The following TDRD3 variants were observed in gnomAD, a reference collection of about 807,000 sequenced individuals.
TDRD3 encodes tudor domain-containing protein 3.
Under a neutral mutation model 86.7 loss-of-function variants are expected in TDRD3, and 45 were observed. The observed-to-expected ratio is 0.52, with a 90% CI of 0.41 to 0.67. TDRD3 has a LOEUF of 0.67. Among genes scored for constraint, TDRD3 ranks in the 30% least tolerant of loss-of-function variants. The pLI is 0.00. For synonymous variants in TDRD3, 298 were observed against 301.7 expected (o/e 0.99, Z 0.13); for missense variants, 814 against 889.0 (o/e 0.92, Z 1.07).
At chr13:60,398,072 C>T (rs997332995) in intron 1 of TDRD3, among the ~76,000 whole-genome samples, 1 of 152,192 alleles carries the variant, frequency 6.6e-6, no homozygotes, top group East Asian at 1.9e-4. Context: ...TTTTAAGAGG[C>T]CTTTCGTGTC....
At chr13:60,476,914 C>T (rs960061300) in intron 5 of TDRD3, among the ~76,000 whole-genome samples, 1 of 151,994 alleles carries the variant, frequency 6.6e-6, no homozygotes, top group Non-Finnish European at 1.5e-5. Flanking sequence ...TATGCTGAAA[C>T]TTTACTGAAT....
At chr13:60,564,502 A>G (rs953737252) in intron 12 of TDRD3, among the ~76,000 whole-genome samples, 1 of 152,160 alleles carries the variant, frequency 6.6e-6, no homozygotes, top group Non-Finnish European at 1.5e-5. Context: ...AAATTATTGC[A>G]GATCTTGTAA....
At chr13:60,511,716 A>G (rs4886236) in intron 10 of TDRD3, among the ~76,000 whole-genome samples, 71,342 of 151,956 alleles carry the variant, frequency 0.47, 17,079 homozygotes, top group South Asian at 0.55. Flanking sequence ...AGGCTCACCC[A>G]TTCTAGCAGA....
chr13:60,528,288 A>T (rs1957493839), intron 10 of TDRD3, 79 bp from the exon 11 acceptor site: 1 of 1,401,046 alleles, frequency 7.1e-7, no homozygotes, highest in Admixed American at 2.4e-5. Flanking sequence ...TTTTGTATTA[A>T]TAGAATAAAG....
At chr13:60,488,848 G>A (rs993552069) in intron 7 of TDRD3, among the ~76,000 whole-genome samples, 1 of 151,982 alleles carries the variant, frequency 6.6e-6, no homozygotes. Context: ...CAAAGTGCTG[G>A]GATTACACAG....
chr13:60,423,092 C>T (rs1202755877), intron 1 of TDRD3, among the ~76,000 whole-genome samples: 3 of 152,138 alleles, frequency 2.0e-5, no homozygotes, highest in Non-Finnish European at 2.9e-5. Context: ...ATAGTAGCAT[C>T]AAGCTTTTCA....
intron 1 of TDRD3, among the ~76,000 whole-genome samples, chr13:60,404,449 T>C (rs1954182975): frequency 6.7e-6 from 1 of 150,260 alleles, no homozygotes; most frequent in Non-Finnish European, 1.5e-5. Context: ...TAGCTGGGAC[T>C]ACAGGCGCCC....
At chr13:60,403,525 T>C (rs1242548565) in intron 1 of TDRD3, among the ~76,000 whole-genome samples, 2 of 152,202 alleles carry the variant, frequency 1.3e-5, no homozygotes, top group Admixed American at 6.5e-5. Context: ...CCAGAAATTT[T>C]CATGTAAAAA....
chr13:60,518,360 C>T (rs559528136), intron 10 of TDRD3, among the ~76,000 whole-genome samples: 114 of 152,322 alleles, frequency 7.5e-4, no homozygotes, highest in African/African-American at 2.6e-3. Flanking sequence ...GAGGGACACA[C>T]TGTCCTCACT....
At chr13:60,440,690 A>AG (rs1271300254) in intron 2 of TDRD3, among the ~76,000 whole-genome samples, 5 of 152,288 alleles carry the variant, frequency 3.3e-5, no homozygotes, top group East Asian at 3.9e-4. Flanking sequence ...CAAAAAAAAA[A>AG]GTAAGTAAAC....
chr13:60,444,641 C>A, intron 2 of TDRD3, 42 bp from the exon 3 acceptor site: 1 of 1,136,354 alleles, frequency 8.8e-7, no homozygotes, highest in South Asian at 1.7e-5. Context: ...TAAATTTACT[C>A]TTTTCTATAA....
At chr13:60,409,019 G>C (rs1422737950) in intron 1 of TDRD3, among the ~76,000 whole-genome samples, 1 of 152,202 alleles carries the variant, frequency 6.6e-6, no homozygotes, top group Non-Finnish European at 1.5e-5. Flanking sequence ...CTAGGGACTT[G>C]GTGCCCTGTG....
At chr13:60,504,790 G>T (rs1390647262) in intron 8 of TDRD3, among the ~76,000 whole-genome samples, 3 of 152,146 alleles carry the variant, frequency 2.0e-5, no homozygotes, top group African/African-American at 7.2e-5. Flanking sequence ...CATGGAGGGC[G>T]AGCAGAAGCA....
At chr13:60,436,418 A>C (rs1955107838) in intron 1 of TDRD3, among the ~76,000 whole-genome samples, 1 of 152,132 alleles carries the variant, frequency 6.6e-6, no homozygotes, top group Non-Finnish European at 1.5e-5. Context: ...CTTAGATTTA[A>C]ATCTTTGATC....
intron 5 of TDRD3, among the ~76,000 whole-genome samples, chr13:60,475,918 C>T (rs1956176585): frequency 6.6e-6 from 1 of 152,030 alleles, no homozygotes. Flanking sequence ...TGTTTAAATT[C>T]CTTATAGATT....
At chr13:60,434,806 G>A (rs1955049804) in intron 1 of TDRD3, among the ~76,000 whole-genome samples, 2 of 152,008 alleles carry the variant, frequency 1.3e-5, no homozygotes, top group African/African-American at 4.8e-5. Context: ...ATGGCACATG[G>A]GAATTGATGA....
intron 11 of TDRD3, among the ~76,000 whole-genome samples, chr13:60,534,203 C>G (rs1057443593): frequency 6.6e-6 from 1 of 152,118 alleles, no homozygotes. Context: ...GACCCAGCTA[C>G]TTGGGAGGTT....
chr13:60,539,710 T>C (rs1170637558), intron 12 of TDRD3, among the ~76,000 whole-genome samples: 1 of 151,854 alleles, frequency 6.6e-6, no homozygotes, highest in Non-Finnish European at 1.5e-5. Context: ...GAAAGTTACC[T>C]TTTCAAATTC....
intron 5 of TDRD3, among the ~76,000 whole-genome samples, chr13:60,468,412 C>G (rs1005359301): frequency 6.6e-6 from 1 of 152,130 alleles, no homozygotes; most frequent in Non-Finnish European, 1.5e-5. Context: ...AGGTGAAGTA[C>G]TTGTTTCCTT....
Sources: gnomAD v4.1 joint callset for allele counts (sites outside exome capture counted in the v4.1 genomes callset) on GRCh38, gnomAD v4.1.1 for gene constraint, MANE v1.5 for transcripts, NCBI Gene and HGNC (gene_info 2026-07-23, HGNC 2026-07-21) for gene names.